Variants in INTS14 observed in about 807,000 individuals in gnomAD.
The protein encoded by INTS14 is integrator complex subunit 14.
In INTS14, 27 loss-of-function variants were observed where a neutral mutation model predicts 56.9. That is an observed-to-expected ratio of 0.47 (90% CI 0.35 to 0.65). The LOEUF is 0.65. Among genes scored for constraint, INTS14 ranks in the 30% least tolerant of loss-of-function variants. The pLI is 0.00. For missense variants in INTS14, 517 were observed against 632.2 expected (o/e 0.82, Z 1.95); for synonymous variants, 207 against 236.2 (o/e 0.88, Z 1.13).
chr15:65,593,566 T>A lies in INTS14; in HGVS notation c.848A>T (p.Asp283Val). The A allele has an allele frequency of 6.2e-7, 1 of 1,608,152 alleles. No individual in the cohort carries two copies. Among genetic ancestry groups the A allele is most frequent in the Non-Finnish European group, 8.5e-7 (1 of 1,178,210 alleles). Residue 283 changes from aspartate to valine, a missense_variant, in exon 8 of 12, where the codon GAT (aspartate) becomes GTT (valine). Coordinates refer to ENST00000313182, the MANE Select transcript of INTS14 (RefSeq NM_001394796.1). ...VLPIALNKEGDEVGTGITDDN... is the reference protein window; with the variant it reads ...VLPIALNKEGVEVGTGITDDN... ...ATCAGTGATGCCAGTACCCACCTCATCACCTTCTGTGAAAAAAAGAGAAAA... is the reference window on the plus strand; with the variant it reads ...ATCAGTGATGCCAGTACCCACCTCAACACCTTCTGTGAAAAAAAGAGAAAA...
chr15:65,587,706 T>C (rs953150923), intron 9 of INTS14, among the ~76,000 whole-genome samples: 6 of 152,070 alleles, frequency 3.9e-5, no homozygotes, highest in Non-Finnish European at 8.8e-5. Flanking sequence ...AAGGGCTGAG[T>C]GTGGTGGCTC....
intron 8 of INTS14, 112 bp from the exon 9 acceptor site, chr15:65,591,843 C>A (rs760417848): frequency 1.6e-6 from 2 of 1,243,032 alleles, no homozygotes; most frequent in African/African-American, 3.0e-5. Flanking sequence ...GCTTTGAAAT[C>A]AGGCACACTA....
intron 2 of INTS14, 93 bp downstream of exon 2, chr15:65,607,066 T>C: frequency 6.9e-7 from 1 of 1,453,488 alleles, no homozygotes; most frequent in Non-Finnish European, 9.2e-7. Flanking sequence ...TATTAAATAA[T>C]GCCAAAGTTC....
At chr15:65,601,493 C>A (rs960404730) in intron 3 of INTS14, among the ~76,000 whole-genome samples, 3 of 152,156 alleles carry the variant, frequency 2.0e-5, no homozygotes, top group African/African-American at 7.2e-5. Flanking sequence ...CAGGTGTGTG[C>A]CATAAAGCCC....
At chr15:65,606,979 C>T (rs569089719) in intron 2 of INTS14, among the ~76,000 whole-genome samples, 180 bp downstream of exon 2, 2 of 152,026 alleles carry the variant, frequency 1.3e-5, no homozygotes, top group African/African-American at 2.4e-5. Context: ...ATAGCTGTAC[C>T]GAAGAAACAG....
At chr15:65,587,226 G>T (rs1374544167) in intron 9 of INTS14, among the ~76,000 whole-genome samples, 1 of 151,456 alleles carries the variant, frequency 6.6e-6, no homozygotes, top group East Asian at 1.9e-4. Context: ...TTTTTTTCAG[G>T]AGGAGTTATG....
intron 10 of INTS14, among the ~76,000 whole-genome samples, chr15:65,584,470 G>C (rs1408682408): frequency 6.6e-6 from 1 of 152,144 alleles, no homozygotes; most frequent in Non-Finnish European, 1.5e-5. Context: ...CTTGGTAACA[G>C]GAAGCTCAGA....
At chr15:65,607,958 A>G (rs1229350011) in intron 1 of INTS14, among the ~76,000 whole-genome samples, 1 of 152,242 alleles carries the variant, frequency 6.6e-6, no homozygotes, top group Non-Finnish European at 1.5e-5. Flanking sequence ...AAAGTCATAA[A>G]CCAAATTAGA....
chr15:65,593,319 A>T, intron 8 of INTS14, 109 bp downstream of exon 8: 2 of 1,335,184 alleles, frequency 1.5e-6, no homozygotes, highest in Non-Finnish European at 2.0e-6. Context: ...CAGGAAAAGG[A>T]AAAAGGTGAC....
chr15:65,602,571 C>T (rs755732722), intron 3 of INTS14, among the ~76,000 whole-genome samples: 9 of 152,030 alleles, frequency 5.9e-5, no homozygotes, highest in Non-Finnish European at 1.2e-4. Flanking sequence ...AGGCGTGAGC[C>T]GTCGCGCCTG....
chr15:65,590,360 T>C (rs929791392), intron 9 of INTS14, among the ~76,000 whole-genome samples: 4 of 152,244 alleles, frequency 2.6e-5, no homozygotes, highest in Admixed American at 2.0e-4. Context: ...GCCAGAAGGA[T>C]CTGATCACAT....
rs1175855660 is a variant in INTS14, at chr15:65,578,893, C to T, written c.*515G>A. On this transcript the variant is annotated 3_prime_UTR_variant, in exon 12 of 12. Coordinates refer to ENST00000313182, the MANE Select transcript of INTS14 (RefSeq NM_001394796.1). ...TTAGAATCTCAAGAGATACCAAAAG[C>T]ACTTAAGAGTTACCACCACATTTTG... 1 of 152,372 alleles carries T rather than the reference C, an allele frequency of 6.6e-6. No homozygotes were observed. The highest frequency in any genetic ancestry group is 1.5e-5 in the Non-Finnish European group (1 of 68,212). The allele number at this position is 152,372 out of a possible 1,614,324, so 9.4% of individuals were successfully genotyped here.
Position 65,607,236 on chromosome 15 carries a change from C to G in INTS14, c.145G>C (p.Glu49Gln), listed in dbSNP as rs2073686766. The change falls in exon 2 of 12, where the codon GAA becomes CAA. Residue 49 changes from glutamate (E) to glutamine (Q), a missense_variant. Physicochemically the swap from Glu to Gln is conservative, Grantham distance 29. Coordinates refer to ENST00000313182, the MANE Select transcript of INTS14 (RefSeq NM_001394796.1). ...FEHMATNYKL[E>Q]FTALVVFSSL... Reference sequence around the variant, plus strand: ...GAAAAAACCACAAGTGCTGTAAATTCAAGCTTGTAATTTGTGGCCATGTGC... The same window carrying G: ...GAAAAAACCACAAGTGCTGTAAATTGAAGCTTGTAATTTGTGGCCATGTGC... 1 of 1,614,076 alleles carries G rather than the reference C, an allele frequency of 6.2e-7. No individual in the cohort carries two copies. The highest frequency in any genetic ancestry group is 1.7e-5 in the Admixed American group (1 of 59,994).
chr15:65,591,738 G>A lies in INTS14; in HGVS notation c.987-7C>T. 6.2e-7 allele frequency: 1 copy of A among 1,613,336 alleles called. No homozygotes were observed. ...CATTCCATGCCATTCAGGACTAGATGGAGAGAAGACGGAAGATCAGAAGAA... is the reference window on the plus strand; with the variant it reads ...CATTCCATGCCATTCAGGACTAGATAGAGAGAAGACGGAAGATCAGAAGAA... On this transcript the variant is annotated splice_region_variant and splice_polypyrimidine_tract_variant and intron_variant, in intron 8 of 11. Transcript: ENST00000313182.
At chr15:65,587,459 G>A (rs2072867561) in intron 9 of INTS14, among the ~76,000 whole-genome samples, 1 of 152,138 alleles carries the variant, frequency 6.6e-6, no homozygotes, top group South Asian at 2.1e-4. Context: ...TGAGCTAGGG[G>A]ACAAAAAGTT....
chr15:65,600,054 TC>T, intron 3 of INTS14, 125 bp from the exon 4 acceptor site: 1 of 1,087,746 alleles, frequency 9.2e-7, no homozygotes, highest in Non-Finnish European at 1.3e-6. Flanking sequence ...AAGCCTGTAA[TC>T]CCAGTGCTTT....
At chr15:65,601,534 G>C (rs1170449858) in intron 3 of INTS14, among the ~76,000 whole-genome samples, 2 of 152,042 alleles carry the variant, frequency 1.3e-5, no homozygotes, top group Non-Finnish European at 2.9e-5. Context: ...GTAGAGACGG[G>C]GTTTCACCAT....
intron 4 of INTS14, 91 bp from the exon 5 acceptor site, chr15:65,599,081 T>C (rs1365371796): frequency 5.1e-6 from 4 of 792,002 alleles, no homozygotes; most frequent in East Asian, 5.5e-5. Flanking sequence ...TACGATAACA[T>C]AGGCAATAAA....
intron 7 of INTS14, 22 bp downstream of exon 7, chr15:65,595,711 T>C (rs1566925749): frequency 6.4e-7 from 1 of 1,559,172 alleles, no homozygotes; most frequent in East Asian, 2.3e-5. Flanking sequence ...GCTTCAGACG[T>C]ATCAGTGGAA....
Sources: allele counts gnomAD v4.1 joint callset (sites outside exome capture counted in the v4.1 genomes callset), GRCh38; gene constraint gnomAD v4.1.1; transcripts MANE v1.5; gene names NCBI Gene and HGNC (gene_info 2026-07-23, HGNC 2026-07-21).